Variants in FMN1 observed in about 807,000 individuals in gnomAD.
FMN1 encodes the protein formin 1, also known as formin-1.
A neutral mutation model predicts 132.4 loss-of-function variants in FMN1; 110 were observed. That is an observed-to-expected ratio of 0.83 (90% CI 0.71 to 0.97). FMN1 has a LOEUF of 0.97. Among genes scored for constraint, FMN1 ranks in the 50% least tolerant of loss-of-function variants. FMN1 has a pLI of 0.00. For missense variants in FMN1, 1,792 were observed against 1,705.3 expected (o/e 1.05, Z -0.90); for synonymous variants, 722 against 651.7 (o/e 1.11, Z -1.64).
intron 16 of FMN1, among the ~76,000 whole-genome samples, chr15:32,870,774 T>C (rs1223362291): frequency 1.3e-5 from 2 of 152,142 alleles, no homozygotes; most frequent in African/African-American, 4.8e-5. Flanking sequence ...TGTTAAGCGA[T>C]TCAAACATTT....
intron 17 of FMN1, among the ~76,000 whole-genome samples, chr15:32,851,372 T>A (rs1004714): frequency 0.56 from 84,697 of 152,162 alleles, 24,274 homozygotes; most frequent in Middle Eastern, 0.64. Flanking sequence ...AGTTGCTCTG[T>A]GCCTTCTTTT....
At chr15:33,024,648 T>G (rs936319527) in intron 6 of FMN1, among the ~76,000 whole-genome samples, 1 of 152,228 alleles carries the variant, frequency 6.6e-6, no homozygotes, top group Non-Finnish European at 1.5e-5. Flanking sequence ...ACAATCACTT[T>G]AGAGAACATT....
Position 33,154,488 on chromosome 15 carries a change from G to T in FMN1, c.427C>A (p.Leu143Ile). 2 of 1,535,912 alleles carry T rather than the reference G, an allele frequency of 1.3e-6. No homozygotes were observed. The highest frequency in any genetic ancestry group is 1.7e-6 in the Non-Finnish European group (2 of 1,146,896). The stretch of plus-strand genomic sequence containing the variant: ...CTCTTATTGAGAGGGCCCACGGGGA[G>T]CTCTCCCTGCCAGTCACCAGCACTC... The part of the protein sequence containing the change: ...FQSAGDWQGE[L>I]PVGPLNKRST... Residue 143 changes from leucine to isoleucine, a missense_variant, in exon 4 of 21, where the codon CTC becomes ATC. By Grantham distance (5) the Leu-to-Ile change is conservative (BLOSUM62 2). Around this residue, in one of 3 missense-constraint regions of FMN1, gnomAD observed 638 missense variants for 645.2 expected, o/e 0.99. Coordinates refer to ENST00000616417, the MANE Select transcript of FMN1 (RefSeq NM_001277313.2).
chr15:33,191,956 T>C (rs949169009), intron 2 of FMN1, among the ~76,000 whole-genome samples: 1 of 152,226 alleles, frequency 6.6e-6, no homozygotes, highest in African/African-American at 2.4e-5. Flanking sequence ...AGACAGAGAC[T>C]ATGTACATCT....
At chr15:33,099,058 G>A (rs2039193246) in intron 4 of FMN1, among the ~76,000 whole-genome samples, 1 of 152,102 alleles carries the variant, frequency 6.6e-6, no homozygotes, top group African/African-American at 2.4e-5. Flanking sequence ...CTTGAGCCCA[G>A]GAGTTCAAGA....
At chr15:33,085,858 A>C (rs1483740518) in intron 5 of FMN1, among the ~76,000 whole-genome samples, 1 of 152,198 alleles carries the variant, frequency 6.6e-6, no homozygotes, top group East Asian at 1.9e-4. Context: ...TAATTAAATA[A>C]ATTTTGGCAT....
At chr15:32,791,782 G>A (rs145956996) in intron 19 of FMN1, among the ~76,000 whole-genome samples, 1 of 152,274 alleles carries the variant, frequency 6.6e-6, no homozygotes, top group East Asian at 1.9e-4. Flanking sequence ...CTAATAGGAG[G>A]AGGATAGTGT....
chr15:33,040,754 G>C (rs1430068723), intron 6 of FMN1, among the ~76,000 whole-genome samples: 4 of 152,178 alleles, frequency 2.6e-5, no homozygotes, highest in African/African-American at 9.6e-5. Flanking sequence ...ACATACAATA[G>C]CATCTTTTTT....
chr15:33,097,244 CA>C (rs2039120847), intron 4 of FMN1, among the ~76,000 whole-genome samples: 1 of 150,538 alleles, frequency 6.6e-6, no homozygotes, highest in Non-Finnish European at 1.5e-5. Context: ...GTTGAGGCTG[CA>C]GTGAGCCAAG....
chr15:33,109,987 T>A (rs551585148), intron 4 of FMN1, among the ~76,000 whole-genome samples: 1 of 152,196 alleles, frequency 6.6e-6, no homozygotes, highest in African/African-American at 2.4e-5. Context: ...CAAGTTCCCA[T>A]TAAATATTTA....
At chr15:33,054,655 C>T (rs1595364727) in intron 6 of FMN1, among the ~76,000 whole-genome samples, 2 of 152,146 alleles carry the variant, frequency 1.3e-5, no homozygotes, top group South Asian at 4.1e-4. Context: ...AGAAAGAAAA[C>T]TAAACACTTT....
chr15:32,837,545 T>C (rs1360074651), intron 17 of FMN1, among the ~76,000 whole-genome samples: 3 of 152,092 alleles, frequency 2.0e-5, no homozygotes, highest in Non-Finnish European at 4.4e-5. Context: ...AGCCCTCTTG[T>C]GTTTAGAGAT....
chr15:32,932,892 T>C (rs1198777004), intron 9 of FMN1, among the ~76,000 whole-genome samples: 1 of 152,198 alleles, frequency 6.6e-6, no homozygotes, highest in Non-Finnish European at 1.5e-5. Context: ...CTCCTTAATT[T>C]AGCTAATGAT....
At chr15:33,125,962 G>C (rs1963022306) in intron 4 of FMN1, among the ~76,000 whole-genome samples, 1 of 151,844 alleles carries the variant, frequency 6.6e-6, no homozygotes, top group Middle Eastern at 3.4e-3. Flanking sequence ...AGGCTTTTTT[G>C]TGCAGTAAGT....
chr15:32,861,826 G>T (rs1311840871), intron 16 of FMN1, among the ~76,000 whole-genome samples: 1 of 152,206 alleles, frequency 6.6e-6, no homozygotes, highest in Non-Finnish European at 1.5e-5. Context: ...TGCAGGCGAA[G>T]TCTTGGGGAA....
At chr15:33,078,650 A>C (rs59793808) in intron 5 of FMN1, among the ~76,000 whole-genome samples, 18,600 of 151,654 alleles carry the variant, frequency 0.12, 2,071 homozygotes, top group East Asian at 0.62. Context: ...GCAACAAAAA[A>C]AAAAAAACAA....
At chr15:33,126,022 T>C (rs1262579670) in intron 4 of FMN1, among the ~76,000 whole-genome samples, 2 of 152,038 alleles carry the variant, frequency 1.3e-5, no homozygotes, top group African/African-American at 4.8e-5. Context: ...ATAACAGTAA[T>C]ACCAAACTCA....
At chr15:32,864,748 CT>C (rs2059352358) in intron 16 of FMN1, among the ~76,000 whole-genome samples, 1 of 152,078 alleles carries the variant, frequency 6.6e-6, no homozygotes, top group Admixed American at 6.5e-5. Flanking sequence ...AAACAAGTGC[CT>C]TTTTATATCT....
chr15:33,045,246 C>T (rs1216799491), intron 6 of FMN1, among the ~76,000 whole-genome samples: 1 of 152,208 alleles, frequency 6.6e-6, no homozygotes, highest in Non-Finnish European at 1.5e-5. Context: ...GCATGCCTGG[C>T]TGTGGGCAGT....
Sources: gnomAD v4.1 joint callset for allele counts (sites outside exome capture counted in the v4.1 genomes callset) on GRCh38, gnomAD v4.1.1 for gene constraint, gnomAD v4.1.1 regional missense constraint, MANE v1.5 for transcripts, NCBI Gene and HGNC (gene_info 2026-07-23, HGNC 2026-07-21) for gene names.